The following TMBIM4 variants were observed in gnomAD, a reference collection of about 807,000 sequenced individuals.
TMBIM4 encodes protein lifeguard 4.
Under a neutral mutation model 27.7 loss-of-function variants are expected in TMBIM4, and 28 were observed. The ratio of observed to expected loss-of-function variants is 1.01; its 90% CI spans 0.75 to 1.38. The LOEUF is 1.38. Ranked by LOEUF, TMBIM4 falls within the 40% of genes most tolerant of loss-of-function variation. The probability of loss-of-function intolerance (pLI) is 0.00; values close to 1 mark genes in which losing one functional copy is unlikely to be tolerated. For missense variants in TMBIM4, 265 were observed against 277.5 expected (o/e 0.95, Z 0.32); for synonymous variants, 115 against 113.1 (o/e 1.02, Z -0.11).
At chr12:66,139,293 G>A (rs2051628645) in intron 5 of TMBIM4, among the ~76,000 whole-genome samples, 1 of 152,120 alleles carries the variant, frequency 6.6e-6, no homozygotes, top group Admixed American at 6.6e-5. Flanking sequence ...TATATAGAGA[G>A]TATAAATTAT....
Position 66,146,056 on chromosome 12 carries a change from C to T in TMBIM4, c.347-98G>A, listed in dbSNP as rs879079982. The T allele has an allele frequency of 6.7e-6, 4 of 592,884 alleles. No homozygotes were observed. The Admixed American group carries it at 8.6e-5, about 13-fold the overall frequency. 36.7% of individuals were successfully genotyped at this position (592,884 alleles called of 1,614,324 possible). A position where few individuals can be genotyped will look rare whatever the true frequency, so the allele number is the denominator to read the frequency against. On this transcript the variant is annotated intron_variant, in intron 4 of 6. Transcript: ENST00000358230. The stretch of plus-strand genomic sequence containing the variant: ...TAGAAATGCTTCATTTTCTCCTGTA[C>T]TTTATGCCAATAAAAACAATTAGAA...
chr12:66,167,337 A>T (rs1380227105), intron 1 of TMBIM4, among the ~76,000 whole-genome samples: 1 of 152,214 alleles, frequency 6.6e-6, no homozygotes, highest in Non-Finnish European at 1.5e-5. Flanking sequence ...TATTAGTGCA[A>T]GAGGCTTGGG....
chr12:66,164,679 A>G (rs2052096905), intron 1 of TMBIM4, among the ~76,000 whole-genome samples: 1 of 152,246 alleles, frequency 6.6e-6, no homozygotes, highest in Non-Finnish European at 1.5e-5. Context: ...AAGATCAGGA[A>G]TAAGACAAGG....
chr12:66,155,464 C>T (rs1383828123), intron 1 of TMBIM4, among the ~76,000 whole-genome samples: 4 of 151,966 alleles, frequency 2.6e-5, no homozygotes, highest in Non-Finnish European at 4.4e-5. Context: ...CTCAGCCTGC[C>T]CAGTAGCTAG....
At chr12:66,149,143 T>C (rs748872314) in intron 3 of TMBIM4, among the ~76,000 whole-genome samples, 2 of 152,052 alleles carry the variant, frequency 1.3e-5, no homozygotes, top group East Asian at 1.9e-4. Context: ...CAAAAGATGA[T>C]AGAAATTTTT....
rs1218774557 is a variant in TMBIM4 at position 66,169,898 on chromosome 12, G to A, written c.54C>T (p.Asn18=). 2.7e-6 allele frequency: 4 copies of A among 1,501,428 alleles called. No individual in the cohort carries two copies. Among genetic ancestry groups the A allele is most frequent in the Admixed American group, 2.5e-5 (1 of 40,058 alleles). The allele number at this position is 1,501,428 out of a possible 1,614,324, so 93.0% of individuals were successfully genotyped here. A position where few individuals can be genotyped will look rare whatever the true frequency, so the allele number is the denominator to read the frequency against. ...TGGCGGAGGCCACGCTGCTGCCATA[G>A]TTGAAGTCGTCCTCGATCGAGGAGC... The part of the protein sequence containing the change: ...YPRSSIEDDF[N]YGSSVASATV... The change falls in exon 1 of 7, where the codon AAC becomes AAT. Residue 18 remains asparagine, a synonymous_variant. Coordinates refer to ENST00000358230, the MANE Select transcript of TMBIM4 (RefSeq NM_016056.4).
At chr12:66,141,607 A>G (rs1240995735) in intron 5 of TMBIM4, among the ~76,000 whole-genome samples, 3 of 152,118 alleles carry the variant, frequency 2.0e-5, no homozygotes, top group African/African-American at 7.2e-5. Flanking sequence ...TAAAGACACA[A>G]ATACATTAAA....
Position 66,137,841 on chromosome 12 carries a change from AT to A in TMBIM4, c.*118del. On this transcript the variant is annotated 3_prime_UTR_variant, in exon 7 of 7. Transcript: ENST00000358230. ...ATAAAGATTGTAACAGTATTTAATC[AT>A]TGTTTCAAACTTTATTACTTAATGA... 2 of 314,000 alleles carry A rather than the reference AT, an allele frequency of 6.4e-6. No homozygotes were observed. The highest frequency in any genetic ancestry group is 3.1e-5 in the African/African-American group (1 of 31,912). The allele number at this position is 314,000 out of a possible 1,614,324, so 19.5% of individuals were successfully genotyped here.
chr12:66,164,380 T>C (rs1439042451), intron 1 of TMBIM4, among the ~76,000 whole-genome samples: 1 of 152,184 alleles, frequency 6.6e-6, no homozygotes, highest in Admixed American at 6.5e-5. Context: ...ACCTAGGGCT[T>C]ATATACCAGA....
intron 1 of TMBIM4, chr12:66,169,550 C>A: frequency 2.1e-6 from 1 of 477,626 alleles, no homozygotes; most frequent in Non-Finnish European, 3.7e-6. Context: ...CAGGCTGCGG[C>A]GGTTTCCATC....
Position 66,169,825 on chromosome 12 carries a change from C to A in TMBIM4, c.97+30G>T, listed in dbSNP as rs999995073. 13 of 1,489,124 alleles carry A rather than the reference C, an allele frequency of 8.7e-6. No individual in the cohort carries two copies. In the Admixed American group the frequency reaches 2.9e-4, roughly 33 times the overall value. 92.2% of individuals were successfully genotyped at this position (1,489,124 alleles called of 1,614,324 possible). ...GAGGCCGAGCAGTGCAGACAAGCGG[C>A]TGGGAGGCACTGGAGAGGGGACAAC... On this transcript the variant is annotated intron_variant, in intron 1 of 6. Coordinates refer to ENST00000358230, the MANE Select transcript of TMBIM4 (RefSeq NM_016056.4).
Position 66,169,541 on chromosome 12 carries a change from A to G in TMBIM4, c.97+314T>C, listed in dbSNP as rs11550108. 4.8e-4 allele frequency: 232 copies of G among 480,312 alleles called. 1 individual carries two copies. Among genetic ancestry groups the G allele is most frequent in the South Asian group, 4.2e-3 (120 of 28,292 alleles). The allele number at this position is 480,312 out of a possible 1,614,324, so 29.8% of individuals were successfully genotyped here. ...CTTTTCACTTCAAGATGCCAAATTC[A>G]GGCTGCGGCGGTTTCCATCTGTCCC... On this transcript the variant is annotated intron_variant, in intron 1 of 6. Coordinates refer to ENST00000358230, the MANE Select transcript of TMBIM4 (RefSeq NM_016056.4).
chr12:66,138,596 T>C, intron 6 of TMBIM4, 128 bp downstream of exon 6: 2 of 650,392 alleles, frequency 3.1e-6, no homozygotes, highest in Non-Finnish European at 4.9e-6. Flanking sequence ...AATCATTCTA[T>C]ATACAAATGT....
intron 1 of TMBIM4, among the ~76,000 whole-genome samples, chr12:66,165,412 T>C (rs2052108835): frequency 6.8e-6 from 1 of 146,660 alleles, no homozygotes; most frequent in East Asian, 2.2e-4. Flanking sequence ...TCCTGGTATA[T>C]ATGATCCTTT....
intron 1 of TMBIM4, chr12:66,169,631 C>G (rs1324894764): frequency 2.2e-6 from 1 of 457,822 alleles, no homozygotes; most frequent in Non-Finnish European, 3.8e-6. Flanking sequence ...GCCTTCTGGG[C>G]CTGGCGCCCT....
chr12:66,137,921 T>C lies in TMBIM4; in HGVS notation c.*39A>G, dbSNP rs765232045. ...CTTTAATCCTTTTTTCTCATTAAAT[T>C]TTTTTTGTTGTTCTTCAGTTGAGCT... On this transcript the variant is annotated 3_prime_UTR_variant, in exon 7 of 7. Transcript: ENST00000358230. 8.9e-6 allele frequency: 14 copies of C among 1,574,400 alleles called. No individual in the cohort carries two copies. In the Admixed American group the frequency reaches 1.5e-4, roughly 17 times the overall value.
At chr12:66,165,386 G>C (rs551454377) in intron 1 of TMBIM4, among the ~76,000 whole-genome samples, 1 of 150,812 alleles carries the variant, frequency 6.6e-6, no homozygotes, top group African/African-American at 2.4e-5. Context: ...GAATACAACA[G>C]AGCTCCAATA....
intron 1 of TMBIM4, among the ~76,000 whole-genome samples, chr12:66,164,653 T>G (rs1357482566): frequency 6.6e-6 from 1 of 152,256 alleles, no homozygotes. Context: ...GGTGAAAAGC[T>G]GAAAACTTTT....
At chr12:66,159,332 A>G (rs1210824619) in intron 1 of TMBIM4, among the ~76,000 whole-genome samples, 1 of 152,202 alleles carries the variant, frequency 6.6e-6, no homozygotes, top group Non-Finnish European at 1.5e-5. Flanking sequence ...AAGCAGCCCT[A>G]TGGAGAGGTT....
Sources: allele counts gnomAD v4.1 joint callset (sites outside exome capture counted in the v4.1 genomes callset), GRCh38; gene constraint gnomAD v4.1.1; transcripts MANE v1.5; gene names NCBI Gene and HGNC (gene_info 2026-07-23, HGNC 2026-07-21).